Variants in SANBR observed in about 807,000 individuals in gnomAD.
The protein encoded by SANBR is SANT and BTB domain regulator of class switch recombination.
Under a neutral mutation model 101.8 loss-of-function variants are expected in SANBR, and 77 were observed. The ratio of observed to expected loss-of-function variants is 0.76; its 90% confidence interval spans 0.63 to 0.91. The LOEUF (loss-of-function observed/expected upper bound fraction) is 0.91. Among genes scored for constraint, SANBR ranks in the 40% least tolerant of loss-of-function variants. The pLI, the probability that SANBR is intolerant of heterozygous loss-of-function variation, is 0.00. For missense variants in SANBR, 875 were observed against 853.0 expected, an observed-to-expected ratio of 1.03 and a Z score of -0.32; for synonymous variants, 279 against 274.7, an observed-to-expected ratio of 1.02 and a Z score of -0.15.
chr2:61,122,776 C>T lies in SANBR; in HGVS notation c.*614C>T. 1.0e-6 allele frequency: 1 copy of T among 985,092 alleles called. No individual in the cohort carries two copies. The highest frequency in any genetic ancestry group is 1.2e-6 in the Non-Finnish European group (1 of 829,670). The allele number at this position is 985,092 out of a possible 1,614,324, so 61.0% of individuals were successfully genotyped here. On this transcript the variant is annotated 3_prime_UTR_variant, in exon 22 of 22. Transcript: ENST00000402291. ...TATCGTGGAAAGTACAATGTTAATCCAACTTTTTTTTCTTTCAGTTTTTAA... is the reference window on the plus strand; with the variant it reads ...TATCGTGGAAAGTACAATGTTAATCTAACTTTTTTTTCTTTCAGTTTTTAA...
chr2:61,123,520 CTT>C lies in SANBR; in HGVS notation c.*1361_*1362del, dbSNP rs1208324637. On this transcript the variant is annotated 3_prime_UTR_variant, in exon 22 of 22. Coordinates refer to ENST00000402291, the MANE Select transcript of SANBR (RefSeq NM_001129993.3). ...AATTGTTTGATACTGTGGAAATAGACTTTTATTTTCGAAAGAAAATGTCTTGT... is the reference window on the plus strand; with the variant it reads ...AATTGTTTGATACTGTGGAAATAGACTTATTTTCGAAAGAAAATGTCTTGT... 1.0e-6 allele frequency: 1 copy of C among 969,854 alleles called. No individual in the cohort carries two copies. 60.1% of individuals were successfully genotyped at this position (969,854 alleles called of 1,614,324 possible).
chr2:61,132,120 T>G (rs912881846), intron 20 of SANBR, among the ~76,000 whole-genome samples: 1 of 124,544 alleles, frequency 8.0e-6, no homozygotes, highest in African/African-American at 3.0e-5. Flanking sequence ...TGGCAAGGAT[T>G]CTTAGATAAG....
At chr2:61,094,997 A>T (rs912346297) in intron 11 of SANBR, among the ~76,000 whole-genome samples, 10 of 152,158 alleles carry the variant, frequency 6.6e-5, no homozygotes, top group Non-Finnish European at 1.2e-4. Flanking sequence ...GTGGTAGTTT[A>T]ACACTTGCCA....
intron 1 of SANBR, 133 bp from the exon 2 acceptor site, chr2:61,068,716 G>C (rs1020321982): frequency 6.6e-6 from 1 of 152,280 alleles, no homozygotes; most frequent in African/African-American, 2.4e-5. Context: ...TTTTGAATCT[G>C]TTTAATCTGA....
intron 15 of SANBR, 28 bp from the exon 16 acceptor site, chr2:61,109,169 A>G: frequency 8.7e-7 from 1 of 1,148,350 alleles, no homozygotes; most frequent in South Asian, 1.8e-5. Context: ...ATAATATTAC[A>G]TTTATAATAG....
intron 8 of SANBR, 90 bp downstream of exon 8, chr2:61,083,404 CT>C: frequency 4.3e-6 from 4 of 927,836 alleles, no homozygotes; most frequent in Non-Finnish European, 6.4e-6. Flanking sequence ...TTTCTTTTTT[CT>C]TTTTTCTTTG....
chr2:61,088,667 TG>T (rs1479327426), intron 10 of SANBR, 199 bp downstream of exon 10: 2 of 340,276 alleles, frequency 5.9e-6, no homozygotes, highest in Non-Finnish European at 1.0e-5. Context: ...ACTACAGGCG[TG>T]TGCCACCACA....
At chr2:61,116,574 A>T (rs368623589) in intron 17 of SANBR, among the ~76,000 whole-genome samples, 4 of 152,176 alleles carry the variant, frequency 2.6e-5, no homozygotes, top group African/African-American at 9.7e-5. Flanking sequence ...AGGAAGGGGT[A>T]AAAAAGCCAG....
In SANBR at chr2:61,071,732, C is replaced by G. The variant is rs758511874; in HGVS notation, c.277C>G (p.Leu93Val). The G allele has an allele frequency of 6.2e-7, 1 of 1,606,268 alleles. No homozygotes were observed. The highest frequency in any genetic ancestry group is 8.5e-7 in the Non-Finnish European group (1 of 1,177,822). The stretch of plus-strand genomic sequence containing the variant: ...AGCCACATATATCAAATCCTCACTT[C>G]TTGACATACATGGAGAATTTCAGGA... Reference protein sequence around the residue: ...TLATYIKSSLLDIHGEFQETP... With the variant: ...TLATYIKSSLVDIHGEFQETP... Residue 93 changes from leucine to valine, a missense_variant, in exon 4 of 22, where the codon CTT becomes GTT. Physicochemically the swap from Leu to Val is conservative, Grantham distance 32 (BLOSUM62 1). Coordinates refer to ENST00000402291, the MANE Select transcript of SANBR (RefSeq NM_001129993.3).
chr2:61,071,523 C>T (rs953801369), intron 3 of SANBR, 83 bp from the exon 4 acceptor site: 3 of 877,302 alleles, frequency 3.4e-6, no homozygotes, highest in Middle Eastern at 3.0e-4. Flanking sequence ...GCACTCCAGC[C>T]TGGGCGACAA....
At chr2:61,095,276 TTGA>T (rs1313253704) in intron 11 of SANBR, among the ~76,000 whole-genome samples, 1 of 152,248 alleles carries the variant, frequency 6.6e-6, no homozygotes, top group Admixed American at 6.5e-5. Flanking sequence ...TGAATATTGA[TTGA>T]TGATATTGAC....
chr2:61,070,742 T>G (rs1681421232), intron 3 of SANBR, among the ~76,000 whole-genome samples: 1 of 147,372 alleles, frequency 6.8e-6, no homozygotes, highest in Non-Finnish European at 1.5e-5. Flanking sequence ...ATTTTATATA[T>G]AAATATATAT....
At chr2:61,066,505 T>G (rs979024995) in intron 1 of SANBR, 2 of 152,540 alleles carry the variant, frequency 1.3e-5, no homozygotes, top group East Asian at 3.7e-4. Flanking sequence ...GTGATTTTAC[T>G]TTCTCCTCCA....
intron 1 of SANBR, among the ~76,000 whole-genome samples, chr2:61,067,518 A>G (rs1007199070): frequency 3.9e-5 from 6 of 152,190 alleles, no homozygotes; most frequent in African/African-American, 1.4e-4. Flanking sequence ...CGGGCGGATC[A>G]CGAGGTCAGG....
intron 12 of SANBR, among the ~76,000 whole-genome samples, chr2:61,103,296 C>A (rs1408512933): frequency 6.6e-6 from 1 of 151,962 alleles, no homozygotes; most frequent in Non-Finnish European, 1.5e-5. Flanking sequence ...CACCACCACA[C>A]CCAGCTAATT....
At chr2:61,133,857 C>G (rs940726452) in intron 20 of SANBR, among the ~76,000 whole-genome samples, 15 of 152,100 alleles carry the variant, frequency 9.9e-5, no homozygotes, top group Non-Finnish European at 2.1e-4. Flanking sequence ...ATGTTCAAAA[C>G]TGATTGTGGT....
At chr2:61,101,182 C>T (rs1380448230) in intron 12 of SANBR, among the ~76,000 whole-genome samples, 3 of 152,136 alleles carry the variant, frequency 2.0e-5, no homozygotes, top group Non-Finnish European at 4.4e-5. Context: ...TTAAATTGGG[C>T]ATGAGACGTT....
At position 61,070,285 on chromosome 2, in the gene SANBR, T is replaced by G. The variant is rs968790465; in HGVS notation, c.-9-57T>G. On this transcript the variant is annotated intron_variant, in intron 2 of 21. Coordinates refer to ENST00000402291, the MANE Select transcript of SANBR (RefSeq NM_001129993.3). ...ATGAATTATAACTGATCTGTAATGT[T>G]CTGAAAACATTTGGATTTCGGGTTT... 2.3e-6 allele frequency: 3 copies of G among 1,303,780 alleles called. No homozygotes were observed. The South Asian group carries it at 4.4e-5, about 19-fold the overall frequency. 80.8% of individuals were successfully genotyped at this position (1,303,780 alleles called of 1,614,324 possible).
At chr2:61,097,127 C>T (rs1334504835) in intron 11 of SANBR, among the ~76,000 whole-genome samples, 2 of 152,146 alleles carry the variant, frequency 1.3e-5, no homozygotes, top group African/African-American at 4.8e-5. Context: ...TCACTCCAGC[C>T]TGGGCAACAG....
Sources: allele counts gnomAD v4.1 joint callset (sites outside exome capture counted in the v4.1 genomes callset), GRCh38; gene constraint gnomAD v4.1.1; transcripts MANE v1.5; gene names NCBI Gene and HGNC (gene_info 2026-07-23, HGNC 2026-07-21).